MTOR: variants seen among roughly 807,000 people sequenced by gnomAD.
The protein encoded by MTOR is mechanistic target of rapamycin kinase, also known as serine/threonine-protein kinase mTOR.
MTOR carries 70 observed loss-of-function variants against 319.8 expected under a neutral mutation model. The ratio of observed to expected loss-of-function variants is 0.22; its 90% CI spans 0.18 to 0.27. The LOEUF (loss-of-function observed/expected upper bound fraction) is 0.27. Among genes scored for constraint, MTOR ranks in the 10% least tolerant of loss-of-function variants. The pLI, the probability that MTOR is intolerant of heterozygous loss-of-function variation, is 1.00. For missense variants in MTOR, 1,890 were observed against 3,274.4 expected, an observed-to-expected ratio of 0.58 and a Z score of 10.32; for synonymous variants, 1,183 against 1,211.4, an observed-to-expected ratio of 0.98 and a Z score of 0.49.
Position 11,237,978 on chromosome 1 carries a change from C to T in MTOR, c.2073G>A (p.Glu691=), listed in dbSNP as rs200228176. The T allele has an allele frequency of 1.8e-4, 296 of 1,614,116 alleles. No individual in the cohort carries two copies. Among genetic ancestry groups the T allele is most frequent in the Non-Finnish European group, 2.5e-4 (290 of 1,180,044 alleles). ...ERFDAHLAQA[E]NLQALFVALN... The stretch of plus-strand genomic sequence containing the variant: ...GAGCCACAAACAAGGCCTGCAAGTT[C>T]TCCGCCTGGGCCAGGTGTGCATCAA... The change falls in exon 13 of 58, where the codon GAG becomes GAA. Residue 691 remains glutamate (E), a synonymous_variant. Coordinates refer to ENST00000361445, the MANE Select transcript of MTOR (RefSeq NM_004958.4).
At chr1:11,159,940 T>C (rs1571026546) in intron 29 of MTOR, among the ~76,000 whole-genome samples, 1 of 152,240 alleles carries the variant, frequency 6.6e-6, no homozygotes, top group East Asian at 1.9e-4. Flanking sequence ...TTAGAAGTTA[T>C]CAAAATGCCC....
In MTOR at chr1:11,242,958, G is replaced by A. The variant is rs533424402; in HGVS notation, c.1412+156C>T. Among the ~76,000 whole-genome samples the A allele has an allele frequency of 1.7e-3, 257 of 152,172 alleles. 2 individuals carry two copies. The highest frequency in any genetic ancestry group is 2.8e-3 in the Non-Finnish European group (190 of 68,020). ...ATGTTATTTCATTTGGAAAAGCTTA[G>A]AATTCAACTAAGGAAGGGCTGTTCT... is the stretch of plus-strand genomic sequence containing the variant. On this transcript the variant is annotated intron_variant, in intron 9 of 57. Coordinates refer to ENST00000361445, the MANE Select transcript of MTOR (RefSeq NM_004958.4).
chr1:11,160,075 C>CATTCATTTATTT (rs1553179762), intron 29 of MTOR, among the ~76,000 whole-genome samples: 3 of 143,338 alleles, frequency 2.1e-5, no homozygotes, highest in South Asian at 2.3e-4. Flanking sequence ...TCAATTATAG[C>CATTCATTTATTT]ATTTATTTAT....
Position 11,144,673 on chromosome 1 carries a change from C to T in MTOR, c.4847G>A (p.Arg1616His), listed in dbSNP as rs1297595805. Residue 1616 changes from arginine to histidine, a missense_variant, in exon 34 of 58, where the codon CGC (arginine) becomes CAC (histidine). Arg to His is a conservative substitution (Grantham distance 29, BLOSUM62 0). Coordinates refer to ENST00000361445, the MANE Select transcript of MTOR (RefSeq NM_004958.4). Reference protein sequence around the residue: ...KLVPERREIIRQIWWERLQGC... With the variant: ...KLVPERREIIHQIWWERLQGC... ...CTGCAGTCTCTCCCACCAGATCTGG[C>T]GGATGATCTCTCGTCGCTCGGGGAC... 16 of 1,613,958 alleles carry T rather than the reference C, an allele frequency of 9.9e-6. No individual in the cohort carries two copies. The highest frequency in any genetic ancestry group is 2.2e-5 in the East Asian group (1 of 44,890).
At chr1:11,203,884 C>T (rs537999761) in intron 26 of MTOR, among the ~76,000 whole-genome samples, 30 of 152,122 alleles carry the variant, frequency 2.0e-4, no homozygotes, top group Non-Finnish European at 4.0e-4. Context: ...CTCTTTATGA[C>T]TTAGATCATA....
At chr1:11,254,456 T>C (rs575476264) in intron 5 of MTOR, among the ~76,000 whole-genome samples, 1 of 152,184 alleles carries the variant, frequency 6.6e-6, no homozygotes, top group South Asian at 2.1e-4. Context: ...TCAATTCTCA[T>C]AATAAGCCTT....
chr1:11,175,717 G>A (rs1272957970), intron 28 of MTOR, among the ~76,000 whole-genome samples: 1 of 150,500 alleles, frequency 6.6e-6, no homozygotes, highest in Admixed American at 6.6e-5. Context: ...CCTCCCCATA[G>A]CCCTTTCCTC....
intron 17 of MTOR, 27 bp downstream of exon 17, chr1:11,231,269 CTTTA>C: frequency 6.2e-7 from 1 of 1,613,266 alleles, no homozygotes; most frequent in Non-Finnish European, 8.5e-7. Flanking sequence ...CCAGCAAAGT[CTTTA>C]AAGACCAAGT....
intron 46 of MTOR, 68 bp downstream of exon 46, chr1:11,126,554 A>T (rs906567289): frequency 1.3e-6 from 2 of 1,519,372 alleles, no homozygotes; most frequent in Non-Finnish European, 1.8e-6. Context: ...GTAATTTCAG[A>T]AGAGGGAAGG....
At chr1:11,124,850 A>C (rs1332734535) in intron 46 of MTOR, among the ~76,000 whole-genome samples, 1 of 152,228 alleles carries the variant, frequency 6.6e-6, no homozygotes, top group Non-Finnish European at 1.5e-5. Flanking sequence ...AAACAAAACA[A>C]AATCTGTTTT....
chr1:11,243,342 T>A (rs749357400), intron 8 of MTOR, 42 bp from the exon 9 acceptor site: 2 of 1,585,164 alleles, frequency 1.3e-6, no homozygotes, highest in South Asian at 2.2e-5. Flanking sequence ...CAGGTCAGGG[T>A]TAGGGTCTAC....
At chr1:11,204,999 A>G (rs1571161296) in intron 25 of MTOR, among the ~76,000 whole-genome samples, 2 of 152,192 alleles carry the variant, frequency 1.3e-5, no homozygotes, top group Admixed American at 6.5e-5. Context: ...TGCATTCGAC[A>G]AAGCCTAATG....
intron 13 of MTOR, among the ~76,000 whole-genome samples, chr1:11,235,475 T>G (rs938266900): frequency 2.0e-5 from 3 of 152,054 alleles, no homozygotes; most frequent in African/African-American, 7.2e-5. Flanking sequence ...CAGAGTGAGA[T>G]TCTGTCTCAA....
chr1:11,238,251 A>G (rs1414934026), intron 12 of MTOR, 151 bp downstream of exon 12: 3 of 913,794 alleles, frequency 3.3e-6, no homozygotes, highest in Non-Finnish European at 5.1e-6. Flanking sequence ...AGGCTACAGT[A>G]GCCATGCCTA....
intron 15 of MTOR, chr1:11,233,127 CAT>C (rs1647076483): frequency 8.9e-6 from 10 of 1,127,214 alleles, no homozygotes; most frequent in South Asian, 6.1e-5. Context: ...AGGAATTGCA[CAT>C]GAGATGGCAC....
rs770285682 is a variant in MTOR, at chr1:11,129,131, A to G, written c.5715-180T>C. On this transcript the variant is annotated intron_variant, in intron 40 of 57. Coordinates refer to ENST00000361445, the MANE Select transcript of MTOR (RefSeq NM_004958.4). This position sits in a 1 kb window ranked among gnomAD's most constrained non-coding sequence, Gnocchi z 4.7. Reference sequence around the variant, plus strand: ...TGGGTGGCAGTGCTCTTGACTGAACACCGTAAGAGTCACCCTGAGCAAATG... The same window carrying G: ...TGGGTGGCAGTGCTCTTGACTGAACGCCGTAAGAGTCACCCTGAGCAAATG... Among the ~76,000 whole-genome samples the G allele has an allele frequency of 4.6e-5, 7 of 152,142 alleles. No individual in the cohort carries two copies. Among genetic ancestry groups the G allele is most frequent in the Non-Finnish European group, 1.0e-4 (7 of 68,026 alleles).
In MTOR at chr1:11,106,851, A is replaced by C; in HGVS notation, c.*634T>G. 7.5e-7 allele frequency: 1 copy of C among 1,327,832 alleles called. No individual in the cohort carries two copies. The highest frequency in any genetic ancestry group is 1.4e-5 in the South Asian group (1 of 73,074). 82.3% of individuals were successfully genotyped at this position (1,327,832 alleles called of 1,614,324 possible). On this transcript the variant is annotated 3_prime_UTR_variant, in exon 58 of 58. Coordinates refer to ENST00000361445, the MANE Select transcript of MTOR (RefSeq NM_004958.4). ...CTCAGCCGAGGCTGCCAGCGATCTG[A>C]ATAAACCTCCCTACTAGCGGTCAGG...
rs2100978579 is a variant in MTOR at position 11,257,061 on chromosome 1, C to T, written c.376G>A (p.Ala126Thr). ...PSNDPVVMEM[A>T]SKAIGRLAMA... Reference sequence around the variant, plus strand: ...GCAAGACGGCCAATGGCCTTGGATGCCATTTCCATGACAACTGGGTCATTG... The same window carrying T: ...GCAAGACGGCCAATGGCCTTGGATGTCATTTCCATGACAACTGGGTCATTG... The change falls in exon 4 of 58, where the codon GCA becomes ACA. Residue 126 changes from alanine to threonine, a missense_variant. Ala to Thr is a moderately conservative substitution (Grantham distance 58). Transcript: ENST00000361445. 5 of 1,614,126 alleles carry T rather than the reference C, an allele frequency of 3.1e-6. No homozygotes were observed. Among genetic ancestry groups the T allele is most frequent in the Non-Finnish European group, 4.2e-6 (5 of 1,180,024 alleles).
chr1:11,128,672 T>C lies in MTOR; in HGVS notation c.5812-120A>G. ...TGATGCTCTGAAATGGTTCATTCCC[T>C]TCCCTTTAGTTTCTAAAAGAAAATA... On this transcript the variant is annotated intron_variant, in intron 41 of 57. Transcript: ENST00000361445. This position sits in a 1 kb window ranked among gnomAD's most constrained non-coding sequence, Gnocchi z 5.3. 1 of 1,123,848 alleles carries C rather than the reference T, an allele frequency of 8.9e-7. No individual in the cohort carries two copies. Among genetic ancestry groups the C allele is most frequent in the East Asian group, 2.4e-5 (1 of 40,892 alleles). 69.6% of individuals were successfully genotyped at this position (1,123,848 alleles called of 1,614,324 possible).
Sources: gnomAD v4.1 joint callset for allele counts (sites outside exome capture counted in the v4.1 genomes callset) on GRCh38, gnomAD v4.1.1 for gene constraint, Gnocchi (gnomAD v3.1) non-coding constraint, MANE v1.5 for transcripts, NCBI Gene and HGNC (gene_info 2026-07-23, HGNC 2026-07-21) for gene names.